The following CDH18 variants were observed in gnomAD, a reference collection of about 807,000 sequenced individuals.
CDH18 encodes cadherin-18.
A neutral mutation model predicts 67.9 loss-of-function variants in CDH18; 31 were observed. The ratio of observed to expected loss-of-function variants is 0.46; its 90% CI spans 0.34 to 0.62. The LOEUF is 0.62. Among genes scored for constraint, CDH18 ranks in the 20% least tolerant of loss-of-function variants. The probability of loss-of-function intolerance (pLI) is 0.01; values close to 1 mark genes in which losing one functional copy is unlikely to be tolerated. For missense variants in CDH18, 890 were observed against 975.5 expected, an observed-to-expected ratio of 0.91 and a Z score of 1.17; for synonymous variants, 362 against 347.2, an observed-to-expected ratio of 1.04 and a Z score of -0.48.
intron 2 of CDH18, among the ~76,000 whole-genome samples, chr5:19,950,360 G>T (rs1279129793): frequency 2.0e-5 from 3 of 151,982 alleles, no homozygotes; most frequent in Non-Finnish European, 4.4e-5. Flanking sequence ...ATGGACTTTA[G>T]GTATTCAGGG....
intron 1 of CDH18, among the ~76,000 whole-genome samples, chr5:20,543,992 C>A (rs1757198000): frequency 1.3e-5 from 2 of 152,050 alleles, no homozygotes; most frequent in Admixed American, 1.3e-4. Flanking sequence ...TATTTATTTT[C>A]TTTCAATTGT....
intron 1 of CDH18, among the ~76,000 whole-genome samples, chr5:20,533,440 A>AGACAT (rs1756534453): frequency 6.6e-6 from 1 of 151,560 alleles, no homozygotes; most frequent in African/African-American, 2.4e-5. Flanking sequence ...GGGAAGCAGT[A>AGACAT]GACATGCAAA....
chr5:20,360,370 C>T (rs891807267), intron 1 of CDH18, among the ~76,000 whole-genome samples: 14 of 152,048 alleles, frequency 9.2e-5, no homozygotes, highest in Non-Finnish European at 1.8e-4. Context: ...TTTTTCTGAA[C>T]ATGTTTGAAG....
At chr5:20,056,285 T>C (rs1040525926) in intron 2 of CDH18, among the ~76,000 whole-genome samples, 1 of 149,500 alleles carries the variant, frequency 6.7e-6, no homozygotes, top group Non-Finnish European at 1.5e-5. Flanking sequence ...ATTACAGGCA[T>C]GAGCCACCAC....
intron 2 of CDH18, among the ~76,000 whole-genome samples, chr5:20,097,416 C>G (rs892568869): frequency 6.6e-6 from 1 of 152,058 alleles, no homozygotes; most frequent in Non-Finnish European, 1.5e-5. Flanking sequence ...GGGAATTGCC[C>G]TTTATAAAAC....
intron 2 of CDH18, among the ~76,000 whole-genome samples, chr5:20,033,205 A>T (rs4577697): frequency 0.096 from 13,825 of 144,074 alleles, 940 homozygotes; most frequent in East Asian, 0.41. Flanking sequence ...CTTCCTTTTT[A>T]AAAAAAAAAA....
At chr5:20,367,045 C>G (rs954856054) in intron 1 of CDH18, among the ~76,000 whole-genome samples, 3 of 152,132 alleles carry the variant, frequency 2.0e-5, no homozygotes, top group African/African-American at 7.2e-5. Flanking sequence ...GGGTGACACT[C>G]AGCCACTTCT....
At chr5:20,486,930 A>C (rs1056484381) in intron 1 of CDH18, among the ~76,000 whole-genome samples, 2 of 152,168 alleles carry the variant, frequency 1.3e-5, no homozygotes, top group Admixed American at 1.3e-4. Flanking sequence ...TGAAAACTGC[A>C]GTGGCGACAG....
chr5:20,264,639 G>A (rs922848220), intron 1 of CDH18, among the ~76,000 whole-genome samples: 13 of 151,848 alleles, frequency 8.6e-5, no homozygotes, highest in Non-Finnish European at 1.6e-4. Flanking sequence ...ACCCCACAAA[G>A]CGGAAAAATC....
intron 10 of CDH18, among the ~76,000 whole-genome samples, chr5:19,508,698 G>C: frequency 6.6e-6 from 1 of 151,944 alleles, no homozygotes; most frequent in East Asian, 1.9e-4. Context: ...GACTGTTACT[G>C]TTAATTAGAG....
Position 20,482,114 on chromosome 5 carries a change from G to C in CDH18, c.-580+93348C>G, listed in dbSNP as rs928065939. Among the ~76,000 whole-genome samples the C allele has an allele frequency of 2.0e-5, 3 of 151,846 alleles. No individual in the cohort carries two copies. In the East Asian group the frequency reaches 5.8e-4, roughly 29 times the overall value. The stretch of plus-strand genomic sequence containing the variant: ...AGATGGAAAAGGAGACATTACGATT[G>C]AAACTGCAGAAATTCAAAAGATCAT... On this transcript the variant is annotated intron_variant, in intron 1 of 14. Transcript: ENST00000507958.
intron 2 of CDH18, among the ~76,000 whole-genome samples, chr5:20,172,210 A>ACACG (rs1478085064): frequency 1.0e-4 from 7 of 67,458 alleles, no homozygotes; most frequent in African/African-American, 3.5e-4. Flanking sequence ...ATATATATAT[A>ACACG]TATATATATA....
At chr5:20,133,790 G>T (rs1232030967) in intron 2 of CDH18, among the ~76,000 whole-genome samples, 1 of 151,576 alleles carries the variant, frequency 6.6e-6, no homozygotes, top group Non-Finnish European at 1.5e-5. Context: ...GTTGTTTTTT[G>T]ATATTCAGCC....
At chr5:20,030,854 G>A (rs1739334283) in intron 2 of CDH18, among the ~76,000 whole-genome samples, 1 of 152,084 alleles carries the variant, frequency 6.6e-6, no homozygotes, top group Admixed American at 6.6e-5. Flanking sequence ...TTATAAGAAG[G>A]TTGTGCAGAT....
chr5:20,030,863 A>T (rs1739334509), intron 2 of CDH18, among the ~76,000 whole-genome samples: 2 of 152,292 alleles, frequency 1.3e-5, no homozygotes, highest in Non-Finnish European at 2.9e-5. Context: ...GGTTGTGCAG[A>T]TATTATGAAA....
intron 2 of CDH18, among the ~76,000 whole-genome samples, chr5:20,074,314 T>C (rs1306159545): frequency 2.6e-5 from 4 of 152,160 alleles, no homozygotes; most frequent in Admixed American, 2.0e-4. Context: ...TTTTGAGTGC[T>C]TTCATTTTTT....
intron 5 of CDH18, among the ~76,000 whole-genome samples, chr5:19,713,873 T>C (rs1346185532): frequency 2.6e-5 from 4 of 152,096 alleles, no homozygotes; most frequent in Admixed American, 2.6e-4. Context: ...CAGTGTGCTC[T>C]CTCTGGTTCA....
intron 5 of CDH18, among the ~76,000 whole-genome samples, chr5:19,620,740 A>T (rs1324883832): frequency 6.6e-6 from 1 of 152,060 alleles, no homozygotes; most frequent in South Asian, 2.1e-4. Context: ...TTAGTATTCA[A>T]TGTGATCTGT....
At chr5:19,575,470 T>C (rs1041258572) in intron 7 of CDH18, among the ~76,000 whole-genome samples, 1 of 152,228 alleles carries the variant, frequency 6.6e-6, no homozygotes, top group African/African-American at 2.4e-5. Context: ...TATGATGACA[T>C]ATACAAAAGA....
Sources: gnomAD v4.1 joint callset for allele counts (sites outside exome capture counted in the v4.1 genomes callset) on GRCh38, gnomAD v4.1.1 for gene constraint, MANE v1.5 for transcripts, NCBI Gene and HGNC (gene_info 2026-07-23, HGNC 2026-07-21) for gene names.